TTLL7: variants seen among roughly 807,000 people sequenced by gnomAD.
TTLL7 encodes tubulin tyrosine ligase like 7.
TTLL7 carries 53 observed loss-of-function variants against 120.2 expected under a neutral mutation model. The observed-to-expected ratio is 0.44, with a 90% CI of 0.35 to 0.55. TTLL7 has a LOEUF of 0.55. TTLL7 is among the 20% of genes least tolerant of loss of function. The pLI, the probability that TTLL7 is intolerant of heterozygous loss-of-function variation, is 0.00. For missense variants in TTLL7, 803 were observed against 1,054.7 expected (o/e 0.76, Z 3.31); for synonymous variants, 353 against 351.7 (o/e 1.00, Z -0.04).
chr1:83,943,004 C>A (rs1648121525), intron 6 of TTLL7, among the ~76,000 whole-genome samples: 1 of 151,514 alleles, frequency 6.6e-6, no homozygotes, highest in Non-Finnish European at 1.5e-5. Flanking sequence ...ATTTTCAATA[C>A]CAGTACGGTC....
chr1:83,941,054 T>C (rs754039079), intron 7 of TTLL7, among the ~76,000 whole-genome samples: 9 of 152,164 alleles, frequency 5.9e-5, no homozygotes, highest in Non-Finnish European at 1.2e-4. Flanking sequence ...TGCCATACTC[T>C]GTCTTACCTC....
In TTLL7 at chr1:83,953,572, G is replaced by A. The variant is rs537354458; in HGVS notation, c.-176-1185C>T. Reference sequence around the variant, plus strand: ...GTCTAGTATAATTCAATATCAAAACGGGGAACTTTTATTTATTACAGACCA... The same window carrying A: ...GTCTAGTATAATTCAATATCAAAACAGGGAACTTTTATTTATTACAGACCA... On this transcript the variant is annotated intron_variant, in intron 1 of 20. Coordinates refer to ENST00000260505, the MANE Select transcript of TTLL7 (RefSeq NM_024686.6). 1.1e-4 allele frequency among the ~76,000 whole-genome samples: 16 copies of A among 151,970 alleles called. No homozygotes were observed. The South Asian group carries it at 2.1e-3, about 20-fold the overall frequency.
At chr1:83,872,652 T>C (rs1420725352) in intron 20 of TTLL7, among the ~76,000 whole-genome samples, 1 of 152,228 alleles carries the variant, frequency 6.6e-6, no homozygotes, top group East Asian at 1.9e-4. Flanking sequence ...CAGTAACATT[T>C]ACATATTCTT....
chr1:83,950,663 G>A (rs1648954554), intron 3 of TTLL7, among the ~76,000 whole-genome samples: 1 of 152,154 alleles, frequency 6.6e-6, no homozygotes, highest in Admixed American at 6.5e-5. Flanking sequence ...AATTTCAAGT[G>A]TGGAATAAAG....
chr1:83,945,566 A>C (rs1179669257), intron 6 of TTLL7, among the ~76,000 whole-genome samples: 2 of 152,202 alleles, frequency 1.3e-5, no homozygotes, highest in African/African-American at 4.8e-5. Context: ...ACACATTAGC[A>C]AGGAAACAGA....
intron 16 of TTLL7, among the ~76,000 whole-genome samples, chr1:83,906,851 T>C (rs1657237489): frequency 6.6e-6 from 1 of 152,088 alleles, no homozygotes; most frequent in Non-Finnish European, 1.5e-5. Context: ...ACATGATCCA[T>C]ATTAAATAAA....
intron 12 of TTLL7, 141 bp downstream of exon 12, chr1:83,920,946 T>C (rs1658597511): frequency 6.8e-6 from 6 of 886,486 alleles, no homozygotes; most frequent in Non-Finnish European, 1.0e-5. Context: ...ACTACCTTTC[T>C]TTCTGAAAGA....
At chr1:83,950,329 C>G (rs1213870578) in intron 3 of TTLL7, among the ~76,000 whole-genome samples, 1 of 152,064 alleles carries the variant, frequency 6.6e-6, no homozygotes, top group Non-Finnish European at 1.5e-5. Flanking sequence ...CTTTTTATAG[C>G]TTTTTTTATG....
At chr1:83,997,952 T>C (rs1006201030) in intron 1 of TTLL7, among the ~76,000 whole-genome samples, 1 of 152,234 alleles carries the variant, frequency 6.6e-6, no homozygotes, top group African/African-American at 2.4e-5. Context: ...ATTTTTCACA[T>C]GATTCAAAGC....
intron 9 of TTLL7, among the ~76,000 whole-genome samples, chr1:83,930,468 C>A (rs933275804): frequency 3.3e-5 from 5 of 152,056 alleles, no homozygotes; most frequent in African/African-American, 1.2e-4. Context: ...AGCTTGAAAA[C>A]GGCAATAACA....
At chr1:83,936,501 T>C (rs1305166213) in intron 8 of TTLL7, among the ~76,000 whole-genome samples, 1 of 152,226 alleles carries the variant, frequency 6.6e-6, no homozygotes, top group Non-Finnish European at 1.5e-5. Flanking sequence ...ACCATTTTGA[T>C]GCTTCTGACT....
At chr1:83,909,397 T>C (rs1367713470) in intron 15 of TTLL7, among the ~76,000 whole-genome samples, 2 of 151,150 alleles carry the variant, frequency 1.3e-5, no homozygotes, top group Non-Finnish European at 1.5e-5. Flanking sequence ...CCTTTGAAGC[T>C]GAAATAAGTT....
rs1478091625 is a variant in TTLL7, at chr1:83,907,585, A to C, written c.1863T>G (p.Phe621Leu). The C allele has an allele frequency of 6.2e-7, 1 of 1,613,232 alleles. No homozygotes were observed. Among genetic ancestry groups the C allele is most frequent in the African/African-American group, 1.3e-5 (1 of 74,880 alleles). The change falls in exon 16 of 21, where the codon TTT becomes TTG. Residue 621 changes from phenylalanine to leucine, a missense_variant. Phe to Leu is a conservative substitution (Grantham distance 22). Coordinates refer to ENST00000260505, the MANE Select transcript of TTLL7 (RefSeq NM_024686.6). The stretch of plus-strand genomic sequence containing the variant: ...ACACAGATATCATTTGTTGAGCAGA[A>C]AATGGGCGGGTGTCCCCACTGGAAG... ...QSPSSGDTRP[F>L]SAQQMISVSR...
chr1:83,898,189 C>T (rs1656413353), intron 18 of TTLL7, among the ~76,000 whole-genome samples: 1 of 151,780 alleles, frequency 6.6e-6, no homozygotes, highest in African/African-American at 2.4e-5. Context: ...ATGTTATAGG[C>T]CAACAGACAA....
chr1:83,947,504 G>T (rs772003284), intron 5 of TTLL7: 134 of 436,464 alleles, frequency 3.1e-4, no homozygotes, highest in South Asian at 1.5e-3. Flanking sequence ...AAACAACCTT[G>T]CCCTAATATG....
At chr1:83,936,169 C>T (rs1301972267) in intron 8 of TTLL7, among the ~76,000 whole-genome samples, 2 of 152,066 alleles carry the variant, frequency 1.3e-5, no homozygotes, top group African/African-American at 4.8e-5. Flanking sequence ...TAGTCTTGCT[C>T]GTTTACCTTC....
chr1:83,957,221 A>G (rs1472440665), intron 1 of TTLL7, among the ~76,000 whole-genome samples: 1 of 152,174 alleles, frequency 6.6e-6, no homozygotes, highest in East Asian at 1.9e-4. Context: ...CAAAAGATGA[A>G]GACAAACTTC....
chr1:83,999,078 C>T lies in TTLL7; in HGVS notation c.-324G>A, dbSNP rs1238329930. On this transcript the variant is annotated 5_prime_UTR_variant, in exon 1 of 21. Coordinates refer to ENST00000260505, the MANE Select transcript of TTLL7 (RefSeq NM_024686.6). ...CCGGTGCTCTCCTCCGCCCGCCCAC[C>T]GCCCGTGGCAGCCACGGCTCGGGAC... 8 of 445,308 alleles carry T rather than the reference C, an allele frequency of 1.8e-5. 1 individual carries two copies. Among genetic ancestry groups the T allele is most frequent in the East Asian group, 7.5e-5 (1 of 13,308 alleles). The allele number at this position is 445,308 out of a possible 1,614,324, so 27.6% of individuals were successfully genotyped here.
chr1:83,951,918 C>T lies in TTLL7; in HGVS notation c.84G>A (p.Met28Ile), dbSNP rs1293261975. ...LNTELPYQST[M>I]KRKVRKKKKK... ...TTTTCTTCTTTCTGACTTTCCTTTT[C>T]ATTGTGCTTTGATAAGGTAATTCTG... Residue 28 changes from methionine (M) to isoleucine (I), a missense_variant, in exon 3 of 21, where the codon ATG (methionine) becomes ATA (isoleucine). Met to Ile is a conservative substitution (Grantham distance 10). Coordinates refer to ENST00000260505, the MANE Select transcript of TTLL7 (RefSeq NM_024686.6). The T allele has an allele frequency of 6.2e-7, 1 of 1,613,392 alleles. No homozygotes were observed. Among genetic ancestry groups the T allele is most frequent in the Non-Finnish European group, 8.5e-7 (1 of 1,179,764 alleles).
Sources: gnomAD v4.1 joint callset for allele counts (sites outside exome capture counted in the v4.1 genomes callset) on GRCh38, gnomAD v4.1.1 for gene constraint, MANE v1.5 for transcripts, NCBI Gene and HGNC (gene_info 2026-07-23, HGNC 2026-07-21) for gene names.